Variants in SLC5A11 observed in about 807,000 individuals in gnomAD.
SLC5A11 encodes solute carrier family 5 member 11.
In SLC5A11, 48 loss-of-function variants were observed where a neutral mutation model predicts 69.8. The observed-to-expected ratio is 0.69, with a 90% CI of 0.55 to 0.87. The LOEUF is 0.87. Ranked by LOEUF, SLC5A11 falls within the 40% of genes least tolerant of loss-of-function variation. The probability of loss-of-function intolerance (pLI) is 0.00; values close to 1 mark genes in which losing one functional copy is unlikely to be tolerated. For synonymous variants in SLC5A11, 319 were observed against 342.4 expected (o/e 0.93, Z 0.75); for missense variants, 784 against 866.1 (o/e 0.91, Z 1.19).
At chr16:24,864,063 G>T (rs756215729) in intron 3 of SLC5A11, among the ~76,000 whole-genome samples, 2 of 152,176 alleles carry the variant, frequency 1.3e-5, no homozygotes, top group Non-Finnish European at 2.9e-5. Context: ...GGCAATAACA[G>T]TTTGGCAAAT....
Position 24,857,506 on chromosome 16 carries a change from G to A in SLC5A11, c.-24-1114G>A, listed in dbSNP as rs7184338. ...TGGGCTAAAATCAAGGTGTCAGCAG[G>A]ACTGAATTCCTTCTGGATGTGCTAA... On this transcript the variant is annotated intron_variant, in intron 1 of 15. Transcript: ENST00000347898. Among the ~76,000 whole-genome samples the A allele has an allele frequency of 3.6e-3, 541 of 152,320 alleles. 2 individuals are homozygous for A. The highest frequency in any genetic ancestry group is 0.012 in the African/African-American group (495 of 41,564).
chr16:24,858,909 A>G lies in SLC5A11; in HGVS notation c.135+131A>G, dbSNP rs529209530. 22 of 1,220,982 alleles carry G rather than the reference A, an allele frequency of 1.8e-5. No individual in the cohort carries two copies. In the South Asian group the frequency reaches 4.3e-4, roughly 24 times the overall value. 75.6% of individuals were successfully genotyped at this position (1,220,982 alleles called of 1,614,324 possible). A position where few individuals can be genotyped will look rare whatever the true frequency, so the allele number is the denominator to read the frequency against. On this transcript the variant is annotated intron_variant, in intron 2 of 15. Coordinates refer to ENST00000347898, the Ensembl canonical transcript of SLC5A11. ...GGAAGAAACTAACACAAGGTTATAG[A>G]GTAATCAGAACTTAAAAATTTTAAA...
intron 12 of SLC5A11, among the ~76,000 whole-genome samples, chr16:24,907,484 G>A (rs1182144891): frequency 6.6e-6 from 1 of 152,060 alleles, no homozygotes; most frequent in African/African-American, 2.4e-5. Context: ...AGGCCGAGGC[G>A]GTGGATCACT....
chr16:24,868,115 TG>T lies in SLC5A11; in HGVS notation c.208-1785del, dbSNP rs1485858288. Among the ~76,000 whole-genome samples the T allele has an allele frequency of 3.6e-5, 5 of 140,828 alleles. No individual in the cohort carries two copies. The Admixed American group carries it at 3.7e-4, about 10-fold the overall frequency. The allele number at this position is 140,828 out of a possible 152,430, so 92.4% of individuals were successfully genotyped here. On this transcript the variant is annotated intron_variant, in intron 3 of 15. Transcript: ENST00000347898. ...TGGCACCATTGCATTCCAGCCTGGG[TG>T]ACAAAGCAAGACTCCATTTCAAAAA...
At chr16:24,861,549 TAAAA>T (rs1166247723) in intron 2 of SLC5A11, among the ~76,000 whole-genome samples, 2 of 65,456 alleles carry the variant, frequency 3.1e-5, no homozygotes, top group African/African-American at 1.2e-4. Flanking sequence ...GAAAGAAAAA[TAAAA>T]GAAAAGAAAG....
intron 1 of SLC5A11, among the ~76,000 whole-genome samples, chr16:24,857,933 A>G (rs2059604340): frequency 6.6e-6 from 1 of 152,172 alleles, no homozygotes; most frequent in Non-Finnish European, 1.5e-5. Context: ...CAGGGTACTG[A>G]GAAAACTGCT....
At chr16:24,905,638 G>GCGCGCGCGCA (rs1555534421) in intron 10 of SLC5A11, among the ~76,000 whole-genome samples, 1 of 70,228 alleles carries the variant, frequency 1.4e-5, no homozygotes, top group South Asian at 4.3e-4. Context: ...ACGCGCGCGC[G>GCGCGCGCGCA]CGCACACACA....
intron 1 of SLC5A11, among the ~76,000 whole-genome samples, chr16:24,849,585 A>ATAT (rs1567552495): frequency 4.6e-4 from 40 of 86,914 alleles, no homozygotes; most frequent in Non-Finnish European, 8.2e-4. Context: ...AAAAAAAAAA[A>ATAT]AAAAAAAAAT....
intron 9 of SLC5A11, among the ~76,000 whole-genome samples, chr16:24,897,362 G>T (rs1373511014): frequency 6.6e-6 from 1 of 152,112 alleles, no homozygotes; most frequent in Non-Finnish European, 1.5e-5. Flanking sequence ...AAATAATTCT[G>T]TGGAGGACTC....
intron 10 of SLC5A11, among the ~76,000 whole-genome samples, chr16:24,900,940 G>GAAAA: frequency 7.1e-6 from 1 of 141,642 alleles, no homozygotes; most frequent in African/African-American, 2.6e-5. Context: ...AAAAAAAAAA[G>GAAAA]GAAAGAATAT....
At chr16:24,907,775 A>G (rs1171986949) in intron 12 of SLC5A11, among the ~76,000 whole-genome samples, 188 bp from the exon 14 acceptor site, 1 of 152,096 alleles carries the variant, frequency 6.6e-6, no homozygotes, top group Non-Finnish European at 1.5e-5. Context: ...AATCCCACCT[A>G]TTCGGGAGGC....
chr16:24,851,969 T>TTCTCTCTCTC (rs59768610), intron 1 of SLC5A11, among the ~76,000 whole-genome samples: 3 of 140,064 alleles, frequency 2.1e-5, no homozygotes, highest in Non-Finnish European at 3.0e-5. Flanking sequence ...CTTCCCTTGC[T>TTCTCTCTCTC]TCTCTCTCTC....
chr16:24,907,692 GT>G (rs1350792973), intron 12 of SLC5A11, among the ~76,000 whole-genome samples: 1 of 147,882 alleles, frequency 6.8e-6, no homozygotes, highest in African/African-American at 2.5e-5. Flanking sequence ...GGGTGACAGA[GT>G]GAGACTCTGT....
At position 24,910,304 on chromosome 16, in the gene SLC5A11, AG is replaced by A. The variant is rs767014276; in HGVS notation, c.1651del. The A allele has an allele frequency of 1.2e-6, 2 of 1,613,890 alleles. No individual in the cohort carries two copies. The highest frequency in any genetic ancestry group is 1.1e-5 in the South Asian group (1 of 91,034). On this transcript the variant is annotated splice_acceptor_variant, in intron 14 of 15. Coordinates refer to ENST00000347898, the Ensembl canonical transcript of SLC5A11. LOFTEE classifies it high-confidence loss of function. The stretch of plus-strand genomic sequence containing the variant: ...ATCTCATCATTCATCCCTGCTCCTT[AG>A]GTCAGCCACCTGACCTGGTTTACTC...
intron 7 of SLC5A11, among the ~76,000 whole-genome samples, chr16:24,879,697 A>T (rs963046998): frequency 6.6e-6 from 1 of 152,258 alleles, no homozygotes; most frequent in African/African-American, 2.4e-5. Flanking sequence ...GTGAATGGAG[A>T]TCACACCACT....
chr16:24,872,679 A>G lies in SLC5A11; in HGVS notation c.372+460A>G, dbSNP rs189583781. Among the ~76,000 whole-genome samples the G allele has an allele frequency of 6.2e-4, 89 of 143,504 alleles. 1 individual carries two copies. The highest frequency in any genetic ancestry group is 2.2e-3 in the African/African-American group (85 of 39,042). 94.1% of individuals were successfully genotyped at this position (143,504 alleles called of 152,430 possible). Reference sequence around the variant, plus strand: ...AGATGCAAGCCACCACACCCAGCTAATTTTTGCATTTTTTTTTTAGTAGAA... The same window carrying G: ...AGATGCAAGCCACCACACCCAGCTAGTTTTTGCATTTTTTTTTTAGTAGAA... On this transcript the variant is annotated intron_variant, in intron 5 of 15. Coordinates refer to ENST00000347898, the Ensembl canonical transcript of SLC5A11.
intron 1 of SLC5A11, among the ~76,000 whole-genome samples, chr16:24,852,521 C>T (rs775062502): frequency 1.3e-5 from 2 of 152,132 alleles, no homozygotes; most frequent in African/African-American, 2.4e-5. Context: ...GAATCCTCCC[C>T]GCGGGCACAG....
intron 8 of SLC5A11, among the ~76,000 whole-genome samples, chr16:24,886,437 T>C (rs536360598): frequency 1.6e-4 from 24 of 146,068 alleles, no homozygotes; most frequent in African/African-American, 5.1e-4. Context: ...AGATATACCA[T>C]TTGAGAAATG....
At position 24,883,937 on chromosome 16, in the gene SLC5A11, G is replaced by A. The variant is rs141380052; in HGVS notation, c.584-114G>A. 1.3e-3 allele frequency: 1,124 copies of A among 895,426 alleles called. 8 individuals are homozygous for A. The African/African-American group carries it at 0.015, about 12-fold the overall frequency. 55.5% of individuals were successfully genotyped at this position (895,426 alleles called of 1,614,324 possible). On this transcript the variant is annotated intron_variant, in intron 7 of 15. Coordinates refer to ENST00000347898, the Ensembl canonical transcript of SLC5A11. Reference sequence around the variant, plus strand: ...GTGATCGTGGCCATCTTTGCAATCAGTCAGCACTAAGAAATCTCCCATCGG... The same window carrying A: ...GTGATCGTGGCCATCTTTGCAATCAATCAGCACTAAGAAATCTCCCATCGG...
Sources: allele counts gnomAD v4.1 joint callset (sites outside exome capture counted in the v4.1 genomes callset), GRCh38; gene constraint gnomAD v4.1.1; transcripts MANE v1.5; gene names NCBI Gene and HGNC (gene_info 2026-07-23, HGNC 2026-07-21).